Variants in OLFML1 observed in about 807,000 individuals in gnomAD.
OLFML1 encodes the protein olfactomedin like 1, also known as olfactomedin-like protein 1.
In OLFML1, 33 loss-of-function variants were observed where a neutral mutation model predicts 37.3. That is an observed-to-expected ratio of 0.88 (90% CI 0.67 to 1.18). The LOEUF is 1.18. OLFML1 is among the 50% of genes most tolerant of loss of function. The pLI is 0.00. For synonymous variants in OLFML1, 186 were observed against 181.3 expected (o/e 1.03, Z -0.21); for missense variants, 545 against 483.7 (o/e 1.13, Z -1.19).
chr11:7,490,577 A>AC (rs1307331495), intron 2 of OLFML1, among the ~76,000 whole-genome samples: 3 of 151,646 alleles, frequency 2.0e-5, no homozygotes, highest in African/African-American at 7.3e-5. Flanking sequence ...TGCTTTTTCA[A>AC]CCCCCATCCT....
At chr11:7,487,726 T>C (rs575101696) in intron 1 of OLFML1, among the ~76,000 whole-genome samples, 70 of 152,284 alleles carry the variant, frequency 4.6e-4, no homozygotes, top group Non-Finnish European at 7.6e-4. Flanking sequence ...TTAAAAACTA[T>C]GTAAATGTAC....
At chr11:7,500,964 C>G (rs750017344) in intron 2 of OLFML1, among the ~76,000 whole-genome samples, 6 of 152,124 alleles carry the variant, frequency 3.9e-5, no homozygotes, top group Non-Finnish European at 7.4e-5. Context: ...TACTATATGT[C>G]AGATGTATCT....
Position 7,488,201 on chromosome 11 carries a change from T to TG in OLFML1, c.205dup (p.Val69GlyfsTer12), listed in dbSNP as rs1465918092. On this transcript the variant is annotated frameshift_variant, in exon 2 of 3. Transcript: ENST00000329293. LOFTEE classifies it high-confidence loss of function. The stretch of plus-strand genomic sequence containing the variant: ...TCCAAGAGTTCTCAAAAAATATATC[T>TG]GTCATGCTGGGAAGATGTCAGACCT... 1.2e-6 allele frequency: 2 copies of TG among 1,613,802 alleles called. No homozygotes were observed. The highest frequency in any genetic ancestry group is 2.7e-5 in the African/African-American group (2 of 74,890).
At chr11:7,500,720 AG>A (rs907614277) in intron 2 of OLFML1, among the ~76,000 whole-genome samples, 4 of 151,358 alleles carry the variant, frequency 2.6e-5, no homozygotes, top group African/African-American at 9.7e-5. Flanking sequence ...ATGTTTAAGA[AG>A]GTTTTTTTTT....
At chr11:7,495,894 C>T (rs1476112719) in intron 2 of OLFML1, among the ~76,000 whole-genome samples, 2 of 152,182 alleles carry the variant, frequency 1.3e-5, no homozygotes, top group Non-Finnish European at 2.9e-5. Flanking sequence ...CAGAAGTATG[C>T]ACCACCCCAG....
In OLFML1 at chr11:7,488,643, G is replaced by A. The variant is rs929105882; in HGVS notation, c.418+228G>A. 9 of 352,910 alleles carry A rather than the reference G, an allele frequency of 2.6e-5. No individual in the cohort carries two copies. The East Asian group carries it at 5.1e-4, about 20-fold the overall frequency. 21.9% of individuals were successfully genotyped at this position (352,910 alleles called of 1,614,324 possible). A position where few individuals can be genotyped will look rare whatever the true frequency, so the allele number is the denominator to read the frequency against. Reference sequence around the variant, plus strand: ...ACACACAGTGCCTAAAGCCTCCATAGATGGTGAAGGCTATAGTGCCAAAAG... The same window carrying A: ...ACACACAGTGCCTAAAGCCTCCATAAATGGTGAAGGCTATAGTGCCAAAAG... On this transcript the variant is annotated intron_variant, in intron 2 of 2. Transcript: ENST00000329293.
chr11:7,496,148 G>A (rs1169079002), intron 2 of OLFML1, among the ~76,000 whole-genome samples: 2 of 152,216 alleles, frequency 1.3e-5, no homozygotes, highest in Non-Finnish European at 1.5e-5. Flanking sequence ...TGGGGTGACT[G>A]GGTTGTCCTC....
intron 2 of OLFML1, among the ~76,000 whole-genome samples, chr11:7,504,613 T>C (rs900993438): frequency 6.6e-6 from 1 of 152,166 alleles, no homozygotes; most frequent in African/African-American, 2.4e-5. Flanking sequence ...TTGCTTCTAC[T>C]TTCTCACGGA....
chr11:7,486,146 T>C (rs984394254), intron 1 of OLFML1, 142 bp downstream of exon 1: 12 of 827,462 alleles, frequency 1.5e-5, no homozygotes, highest in Non-Finnish European at 2.3e-5. Flanking sequence ...AAAATGCTCA[T>C]AGTCTGGCAG....
At chr11:7,507,277 G>T (rs989813316) in intron 2 of OLFML1, among the ~76,000 whole-genome samples, 1 of 151,836 alleles carries the variant, frequency 6.6e-6, no homozygotes, top group South Asian at 2.1e-4. Context: ...TTGGATTAAA[G>T]AAATATTCTA....
At chr11:7,487,082 C>G (rs534089958) in intron 1 of OLFML1, among the ~76,000 whole-genome samples, 4 of 152,338 alleles carry the variant, frequency 2.6e-5, no homozygotes, top group South Asian at 2.1e-4. Context: ...CAGCCAAATC[C>G]CTGCAAATTG....
At chr11:7,508,248 C>A (rs895450066) in intron 2 of OLFML1, among the ~76,000 whole-genome samples, 1 of 152,116 alleles carries the variant, frequency 6.6e-6, no homozygotes, top group African/African-American at 2.4e-5. Context: ...AGAAGAGAAT[C>A]CACATTTTAA....
intron 2 of OLFML1, among the ~76,000 whole-genome samples, chr11:7,493,113 ATTTTAT>A (rs1695251678): frequency 6.6e-6 from 1 of 152,200 alleles, no homozygotes; most frequent in Non-Finnish European, 1.5e-5. Flanking sequence ...ATTATAGCAG[ATTTTAT>A]TTTATTTCCT....
At chr11:7,492,011 T>A (rs1848604095) in intron 2 of OLFML1, among the ~76,000 whole-genome samples, 2 of 152,308 alleles carry the variant, frequency 1.3e-5, no homozygotes, top group South Asian at 4.1e-4. Context: ...TTCCTTCACC[T>A]TTGTCTTACA....
intron 2 of OLFML1, among the ~76,000 whole-genome samples, chr11:7,499,622 G>A (rs1420143679): frequency 6.6e-6 from 1 of 152,184 alleles, no homozygotes; most frequent in African/African-American, 2.4e-5. Flanking sequence ...CAAAGGCTGA[G>A]TTTAGACCAC....
rs1180577470 is a variant in OLFML1 at position 7,504,100 on chromosome 11, A to G, written c.419-5298A>G. 2.0e-5 allele frequency among the ~76,000 whole-genome samples: 3 copies of G among 152,256 alleles called. 1 individual carries two copies. The highest frequency in any genetic ancestry group is 7.2e-5 in the African/African-American group (3 of 41,554). On this transcript the variant is annotated intron_variant, in intron 2 of 2. Transcript: ENST00000329293. Reference sequence around the variant, plus strand: ...AAAGGAGTCCCTGGAGAGCTGGAGAAGAGGGTTGCCTTTTTTATAGGGTGA... The same window carrying G: ...AAAGGAGTCCCTGGAGAGCTGGAGAGGAGGGTTGCCTTTTTTATAGGGTGA...
At chr11:7,502,894 C>G (rs1452706359) in intron 2 of OLFML1, among the ~76,000 whole-genome samples, 1 of 152,214 alleles carries the variant, frequency 6.6e-6, no homozygotes, top group East Asian at 1.9e-4. Context: ...GCGTGAGCCA[C>G]TGCTCCTGGC....
At chr11:7,502,885 C>T (rs1040109013) in intron 2 of OLFML1, among the ~76,000 whole-genome samples, 2 of 152,124 alleles carry the variant, frequency 1.3e-5, no homozygotes, top group Non-Finnish European at 2.9e-5. Flanking sequence ...GGATTATAGG[C>T]GTGAGCCACT....
Position 7,510,274 on chromosome 11 carries a change from T to C in OLFML1, c.*86T>C. On this transcript the variant is annotated 3_prime_UTR_variant, in exon 3 of 3. Coordinates refer to ENST00000329293, the MANE Select transcript of OLFML1 (RefSeq NM_198474.4). ...GCTATAGCCCCTTCACAATATAGTATCCCTCTAATCACACACAGGAAGAGT... is the reference window on the plus strand; with the variant it reads ...GCTATAGCCCCTTCACAATATAGTACCCCTCTAATCACACACAGGAAGAGT... 3.9e-6 allele frequency: 4 copies of C among 1,033,944 alleles called. No homozygotes were observed. In the South Asian group the frequency reaches 6.5e-5, roughly 17 times the overall value. 64.0% of individuals were successfully genotyped at this position (1,033,944 alleles called of 1,614,324 possible).
Sources: gnomAD v4.1 joint callset for allele counts (sites outside exome capture counted in the v4.1 genomes callset) on GRCh38, gnomAD v4.1.1 for gene constraint, MANE v1.5 for transcripts, NCBI Gene and HGNC (gene_info 2026-07-23, HGNC 2026-07-21) for gene names.